Variants in UNC13C observed in about 807,000 individuals in gnomAD.
The protein encoded by UNC13C is unc-13 homolog C, also known as protein unc-13 homolog C.
A neutral mutation model predicts 245.4 loss-of-function variants in UNC13C; 174 were observed. That is an observed-to-expected ratio of 0.71 (90% CI 0.63 to 0.80). The LOEUF is 0.80. UNC13C is among the 30% of genes least tolerant of loss of function. UNC13C has a pLI of 0.00. For missense variants in UNC13C, 2,829 were observed against 2,602.9 expected, an observed-to-expected ratio of 1.09 and a Z score of -1.89; for synonymous variants, 992 against 895.1, an observed-to-expected ratio of 1.11 and a Z score of -1.93.
chr15:54,472,868 T>C (rs2141045636), intron 19 of UNC13C, among the ~76,000 whole-genome samples: 1 of 152,036 alleles, frequency 6.6e-6, no homozygotes. Context: ...AATTTAAACA[T>C]GTATTTCATA....
chr15:54,022,641 G>A (rs1483546349), intron 2 of UNC13C, among the ~76,000 whole-genome samples: 9 of 152,034 alleles, frequency 5.9e-5, no homozygotes, highest in Admixed American at 5.9e-4. Context: ...ATGTATTTTG[G>A]ACATTAGCCC....
chr15:54,168,656 T>A (rs539957394), intron 4 of UNC13C, among the ~76,000 whole-genome samples: 8 of 152,272 alleles, frequency 5.3e-5, no homozygotes, highest in African/African-American at 1.9e-4. Context: ...TTTGAGGTAG[T>A]TTATGAATAG....
chr15:53,992,994 A>G (rs532475468), intron 1 of UNC13C, among the ~76,000 whole-genome samples: 1 of 152,160 alleles, frequency 6.6e-6, no homozygotes, highest in African/African-American at 2.4e-5. Flanking sequence ...AACGTTAACA[A>G]TCACACTGCT....
chr15:54,355,550 G>C (rs2039076469), intron 17 of UNC13C, among the ~76,000 whole-genome samples: 1 of 151,940 alleles, frequency 6.6e-6, no homozygotes, highest in Non-Finnish European at 1.5e-5. Context: ...TAGAGACGGG[G>C]TTTCACCATG....
Position 54,015,830 on chromosome 15 carries a change from C to A in UNC13C, c.2927C>A (p.Ala976Asp), listed in dbSNP as rs779167860. 1 of 1,608,514 alleles carries A rather than the reference C, an allele frequency of 6.2e-7. No individual in the cohort carries two copies. Among genetic ancestry groups the A allele is most frequent in the South Asian group, 1.1e-5 (1 of 90,156 alleles). ...KRIRPSFKEA[A>D]LRAYKKQMAE... Reference sequence around the variant, plus strand: ...ATTCGTCCTTCTTTCAAAGAAGCAGCTTTAAGGGCCTATAAAAAGCAAATG... The same window carrying A: ...ATTCGTCCTTCTTTCAAAGAAGCAGATTTAAGGGCCTATAAAAAGCAAATG... The change falls in exon 2 of 33, where the codon GCT becomes GAT. Residue 976 changes from alanine (A) to aspartate (D), a missense_variant. Physicochemically the swap from Ala to Asp is moderately radical, Grantham distance 126. Transcript: ENST00000260323.
At chr15:53,964,806 A>C in the UNC13C span, among the ~76,000 whole-genome samples, 1 of 152,156 alleles carries the variant, frequency 6.6e-6, no homozygotes, top group Non-Finnish European at 1.5e-5. Context: ...ACACAAGACA[A>C]TTTAGAATCT....
intron 18 of UNC13C, among the ~76,000 whole-genome samples, chr15:54,400,557 G>A (rs2040160540): frequency 6.6e-6 from 1 of 152,028 alleles, no homozygotes; most frequent in Non-Finnish European, 1.5e-5. Context: ...AAGTGACTGT[G>A]TGTATTTCAT....
chr15:54,120,755 T>C (rs2030610609), intron 2 of UNC13C, among the ~76,000 whole-genome samples: 1 of 151,798 alleles, frequency 6.6e-6, no homozygotes, highest in Admixed American at 6.6e-5. Flanking sequence ...TAATAGGAGT[T>C]GGAAAAAGTT....
At chr15:54,620,623 T>G (rs971828416) in intron 30 of UNC13C, among the ~76,000 whole-genome samples, 1 of 151,922 alleles carries the variant, frequency 6.6e-6, no homozygotes, top group East Asian at 1.9e-4. Context: ...CACCCATAAT[T>G]CCAGCACTTT....
intron 19 of UNC13C, among the ~76,000 whole-genome samples, chr15:54,439,657 A>C (rs1023118380): frequency 2.0e-5 from 3 of 151,906 alleles, no homozygotes; most frequent in Non-Finnish European, 2.9e-5. Context: ...TTTTATCAAT[A>C]TGTGATATTT....
At chr15:53,858,915 C>A in the UNC13C span, among the ~76,000 whole-genome samples, 39 of 152,002 alleles carry the variant, frequency 2.6e-4, no homozygotes, top group African/African-American at 8.7e-4. Flanking sequence ...TTCAAACTAT[C>A]ATTTTATGCC....
chr15:54,310,359 C>G (rs932615076), intron 13 of UNC13C, among the ~76,000 whole-genome samples: 1 of 151,870 alleles, frequency 6.6e-6, no homozygotes, highest in Non-Finnish European at 1.5e-5. Flanking sequence ...ATTGAACCTC[C>G]TATAGAAGCC....
chr15:54,340,619 T>C (rs1567199873), intron 17 of UNC13C, among the ~76,000 whole-genome samples: 1 of 152,176 alleles, frequency 6.6e-6, no homozygotes, highest in Non-Finnish European at 1.5e-5. Context: ...TATTTATGTG[T>C]TCTCTATTCT....
Position 54,013,527 on chromosome 15 carries a change from A to G in UNC13C, c.624A>G (p.Gly208=). 6.2e-7 allele frequency: 1 copy of G among 1,613,910 alleles called. No individual in the cohort carries two copies. The highest frequency in any genetic ancestry group is 8.5e-7 in the Non-Finnish European group (1 of 1,179,846). ...TAAGCACCATGAAAAAATCCTGGGG[A>G]ATAAGAAGTAAGTCTTTGGACAGAA... The part of the protein sequence containing the change: ...SELSTMKKSW[G]IRSKSLDRTV... The change falls in exon 2 of 33, where the codon GGA becomes GGG. Residue 208 remains glycine, a synonymous_variant. Coordinates refer to ENST00000260323, the MANE Select transcript of UNC13C (RefSeq NM_001080534.3).
the UNC13C span, among the ~76,000 whole-genome samples, chr15:53,939,497 A>G: frequency 1.3e-5 from 2 of 152,188 alleles, no homozygotes; most frequent in Non-Finnish European, 2.9e-5. Flanking sequence ...TGAGGCCAGT[A>G]TCATCCTGAT....
chr15:54,249,508 A>G (rs74013549), intron 7 of UNC13C, among the ~76,000 whole-genome samples: 3,843 of 152,266 alleles, frequency 0.025, 156 homozygotes, highest in African/African-American at 0.088. Context: ...GAAGAAAAAC[A>G]TGGAAGACAG....
chr15:53,957,976 T>C, the UNC13C span, among the ~76,000 whole-genome samples: 1 of 152,296 alleles, frequency 6.6e-6, no homozygotes, highest in Non-Finnish European at 1.5e-5. Context: ...GTTTTTTGTT[T>C]TTTTGTGTTT....
At chr15:54,145,057 G>T (rs1296023591) in intron 4 of UNC13C, among the ~76,000 whole-genome samples, 1 of 151,816 alleles carries the variant, frequency 6.6e-6, no homozygotes, top group East Asian at 1.9e-4. Flanking sequence ...CTCCCAAAGT[G>T]CTGGAATTAC....
At chr15:54,522,246 G>C (rs1895251613) in intron 24 of UNC13C, among the ~76,000 whole-genome samples, 1 of 151,838 alleles carries the variant, frequency 6.6e-6, no homozygotes, top group Non-Finnish European at 1.5e-5. Context: ...CAAGGCAGGT[G>C]GATCACCTGA....
Sources: allele counts gnomAD v4.1 joint callset (sites outside exome capture counted in the v4.1 genomes callset), GRCh38; gene constraint gnomAD v4.1.1; transcripts MANE v1.5; gene names NCBI Gene and HGNC (gene_info 2026-07-23, HGNC 2026-07-21).